TTLL13: variants seen among roughly 807,000 people sequenced by gnomAD.
TTLL13 encodes tubulin polyglutamylase TTLL13.
chr15:90,252,228 A>G, the TTLL13 span, among the ~76,000 whole-genome samples: 41,383 of 151,796 alleles, frequency 0.27, 6,557 homozygotes, highest in East Asian at 0.69. Context: ...TAGTAGACAG[A>G]GTTTCTCCAT....
the TTLL13 span, chr15:90,257,590 C>T: frequency 2.2e-5 from 34 of 1,560,960 alleles, no homozygotes; most frequent in Non-Finnish European, 2.6e-5. Flanking sequence ...CTGGAGAGGA[C>T]GGCCGCATGC....
chr15:90,257,328 G>A, the TTLL13 span: 3 of 1,578,260 alleles, frequency 1.9e-6, no homozygotes, highest in Admixed American at 1.9e-5. Context: ...CAAAAGTGCT[G>A]AGGTTCTCTA....
chr15:90,256,551 T>TTCTTTC, the TTLL13 span, among the ~76,000 whole-genome samples: 3 of 25,202 alleles, frequency 1.2e-4, no homozygotes, highest in African/African-American at 5.3e-4. Flanking sequence ...TCCTTTTTCT[T>TTCTTTC]TCTTTCTTTC....
the TTLL13 span, chr15:90,263,642 C>T: frequency 1.1e-4 from 65 of 598,976 alleles, no homozygotes; most frequent in South Asian, 1.1e-3. Flanking sequence ...TAAATAGTGG[C>T]CGCGGCCTAG....
the TTLL13 span, among the ~76,000 whole-genome samples, chr15:90,252,777 C>T: frequency 6.6e-6 from 1 of 152,024 alleles, no homozygotes; most frequent in Non-Finnish European, 1.5e-5. Context: ...CCAAGGCAGG[C>T]GAATCTCCTG....
the TTLL13 span, chr15:90,250,586 A>T: frequency 6.3e-7 from 1 of 1,591,998 alleles, no homozygotes; most frequent in East Asian, 2.2e-5. Context: ...CTGAGGTCTG[A>T]TATACACTTC....
At chr15:90,258,381 A>G in the TTLL13 span, 1 of 934,574 alleles carries the variant, frequency 1.1e-6, no homozygotes, top group Non-Finnish European at 1.7e-6. Flanking sequence ...GAGATGTGAA[A>G]GCCCTGGGGT....
At chr15:90,261,735 G>A in the TTLL13 span, among the ~76,000 whole-genome samples, 1 of 152,198 alleles carries the variant, frequency 6.6e-6, no homozygotes, top group East Asian at 1.9e-4. Context: ...AGCAGAGATT[G>A]TGCCAGTGCA....
chr15:90,250,117 C>T, the TTLL13 span, among the ~76,000 whole-genome samples: 1 of 151,932 alleles, frequency 6.6e-6, no homozygotes, highest in Admixed American at 6.6e-5. Context: ...CACCAGCACA[C>T]CCAGCTAATT....
the TTLL13 span, chr15:90,250,609 C>T: frequency 4.4e-6 from 7 of 1,607,224 alleles, no homozygotes; most frequent in Non-Finnish European, 6.0e-6. Context: ...TCCCACCCCG[C>T]AACCCCTCAG....
chr15:90,258,687 G>GCCA, the TTLL13 span: 1 of 1,430,322 alleles, frequency 7.0e-7, no homozygotes, highest in Non-Finnish European at 9.9e-7. Flanking sequence ...CCTGCAAGAG[G>GCCA]CCACCACCTG....
the TTLL13 span, chr15:90,257,383 G>A: frequency 8.8e-6 from 13 of 1,475,260 alleles, 1 homozygote; most frequent in African/African-American, 1.8e-4. Flanking sequence ...AAAGAACAAG[G>A]AATGAAGCCA....
chr15:90,264,408 T>C, the TTLL13 span, among the ~76,000 whole-genome samples: 2 of 152,178 alleles, frequency 1.3e-5, no homozygotes, highest in African/African-American at 4.8e-5. Flanking sequence ...CTTGAACTCC[T>C]GATCCACCTG....
chr15:90,253,331 C>CT, the TTLL13 span: 1 of 1,613,416 alleles, frequency 6.2e-7, no homozygotes, highest in Non-Finnish European at 8.5e-7. Context: ...ACTGCGCTGT[C>CT]TCACTGGAAC....
chr15:90,263,833 G>A, the TTLL13 span: 27 of 748,120 alleles, frequency 3.6e-5, no homozygotes, highest in Non-Finnish European at 6.1e-5. Context: ...CACAGAGCAG[G>A]GCGCTCCTCA....
chr15:90,262,007 A>C, the TTLL13 span: 5 of 1,531,656 alleles, frequency 3.3e-6, no homozygotes, highest in Non-Finnish European at 4.4e-6. Context: ...TTTCCACAGG[A>C]AAGAAAAAAC....
the TTLL13 span, chr15:90,258,677 C>T: frequency 4.4e-6 from 6 of 1,360,922 alleles, no homozygotes; most frequent in Non-Finnish European, 5.2e-6. Flanking sequence ...CTAGTTAATG[C>T]CTGCAAGAGG....
the TTLL13 span, chr15:90,251,610 G>C: frequency 1.2e-6 from 2 of 1,612,972 alleles, no homozygotes; most frequent in African/African-American, 2.7e-5. Context: ...CACCCAGCCC[G>C]TCGCTCACAC....
At chr15:90,262,466 T>C in the TTLL13 span, 1 of 1,451,250 alleles carries the variant, frequency 6.9e-7, no homozygotes, top group African/African-American at 1.4e-5. Flanking sequence ...ATTTCTCTAC[T>C]GTCTGAAGCT....
Sources: gnomAD v4.1 joint callset for allele counts (sites outside exome capture counted in the v4.1 genomes callset) on GRCh38, gnomAD v4.1.1 for gene constraint, MANE v1.5 for transcripts, NCBI Gene and HGNC (gene_info 2026-07-23, HGNC 2026-07-21) for gene names.